Variants in TNNT1 observed in about 807,000 individuals in gnomAD.
The protein encoded by TNNT1 is troponin T1, slow skeletal type, also known as troponin T, slow skeletal muscle.
Under a neutral mutation model 50.6 loss-of-function variants are expected in TNNT1, and 53 were observed. The ratio of observed to expected loss-of-function variants is 1.05; its 90% CI spans 0.84 to 1.32. The LOEUF is 1.32. TNNT1 is among the 40% of genes most tolerant of loss of function. The pLI is 0.00. For synonymous variants in TNNT1, 142 were observed against 138.0 expected, an observed-to-expected ratio of 1.03 and a Z score of -0.20; for missense variants, 348 against 381.7, an observed-to-expected ratio of 0.91 and a Z score of 0.74.
At chr19:55,148,289 C>T (rs1430280036) in intron 1 of TNNT1, among the ~76,000 whole-genome samples, 1 of 152,022 alleles carries the variant, frequency 6.6e-6, no homozygotes, top group East Asian at 1.9e-4. Context: ...CTCGCCCCAC[C>T]CCACTGGCTG....
chr19:55,142,035 T>G, intron 6 of TNNT1, 115 bp from the exon 7 acceptor site: 1 of 1,001,844 alleles, frequency 1.0e-6, no homozygotes, highest in Non-Finnish European at 1.6e-6. Flanking sequence ...CTCCTGAACG[T>G]GGAGGGTCCC....
At chr19:55,145,850 C>A (rs530876098) in intron 5 of TNNT1, among the ~76,000 whole-genome samples, 109 of 152,088 alleles carry the variant, frequency 7.2e-4, no homozygotes, top group African/African-American at 2.6e-3. Flanking sequence ...GTGCAAACCC[C>A]CAGACCTTTC....
chr19:55,146,326 T>A (rs1420503442), intron 5 of TNNT1, 108 bp downstream of exon 5: 4 of 509,398 alleles, frequency 7.9e-6, no homozygotes, highest in Admixed American at 1.9e-4. Flanking sequence ...GGGCGGGTTA[T>A]GGGGGCGGAG....
At chr19:55,138,457 T>C (rs1323258266) in intron 9 of TNNT1, among the ~76,000 whole-genome samples, 1 of 152,166 alleles carries the variant, frequency 6.6e-6, no homozygotes, top group Non-Finnish European at 1.5e-5. Context: ...TTTGTATTTT[T>C]AGTGGAGACG....
chr19:55,148,992 T>A (rs1202456443), intron 1 of TNNT1, among the ~76,000 whole-genome samples, 169 bp downstream of exon 1: 1 of 152,010 alleles, frequency 6.6e-6, no homozygotes, highest in African/African-American at 2.4e-5. Flanking sequence ...TTCCCCTCTA[T>A]CCTGAGTCCC....
intron 6 of TNNT1, among the ~76,000 whole-genome samples, chr19:55,142,381 A>G (rs1185223969): frequency 6.6e-6 from 1 of 151,968 alleles, no homozygotes; most frequent in African/African-American, 2.4e-5. Context: ...TCGGCCTCCC[A>G]AAGTGCTGGG....
At chr19:55,147,594 T>C (rs908909750) in intron 1 of TNNT1, among the ~76,000 whole-genome samples, 1 of 7,736 alleles carries the variant, frequency 1.3e-4, no homozygotes, top group African/African-American at 5.5e-4. Flanking sequence ...GAGGAGGGGC[T>C]GGGGGGTGTG....
chr19:55,149,073 C>A, intron 1 of TNNT1, 88 bp downstream of exon 1: 1 of 449,778 alleles, frequency 2.2e-6, no homozygotes, highest in South Asian at 1.6e-5. Flanking sequence ...ACCATTTCTC[C>A]ACACCCGACA....
chr19:55,135,979 C>T (rs1252859087), intron 11 of TNNT1, among the ~76,000 whole-genome samples: 8 of 152,148 alleles, frequency 5.3e-5, no homozygotes, highest in Non-Finnish European at 8.8e-5. Flanking sequence ...GTATTTACGC[C>T]CTGGGAATGG....
chr19:55,140,827 TG>T, intron 9 of TNNT1, 55 bp downstream of exon 9: 1 of 1,237,334 alleles, frequency 8.1e-7, no homozygotes, highest in Admixed American at 1.8e-5. Flanking sequence ...AATAACAAAA[TG>T]GGCATCCGGC....
chr19:55,143,877 C>T (rs2085500915), intron 6 of TNNT1, among the ~76,000 whole-genome samples: 1 of 152,102 alleles, frequency 6.6e-6, no homozygotes, highest in African/African-American at 2.4e-5. Flanking sequence ...CCCACCTTCC[C>T]ACACATGACG....
chr19:55,142,551 T>TC (rs1346046180), intron 6 of TNNT1, among the ~76,000 whole-genome samples: 2 of 151,306 alleles, frequency 1.3e-5, no homozygotes, highest in Non-Finnish European at 3.0e-5. Context: ...TAAGAATTTT[T>TC]TTTTTTTTTT....
chr19:55,139,507 T>C (rs1184665812), intron 9 of TNNT1, among the ~76,000 whole-genome samples: 1 of 152,188 alleles, frequency 6.6e-6, no homozygotes, highest in Non-Finnish European at 1.5e-5. Flanking sequence ...TCTGGGCCCA[T>C]GGACCTTCTT....
intron 7 of TNNT1, 123 bp downstream of exon 7, chr19:55,141,734 C>T: frequency 8.8e-7 from 1 of 1,142,472 alleles, no homozygotes; most frequent in Non-Finnish European, 1.3e-6. Flanking sequence ...GTCACCTCAG[C>T]CTCCCAAAGT....
intron 6 of TNNT1, among the ~76,000 whole-genome samples, chr19:55,142,525 TA>T (rs1189910124): frequency 6.6e-6 from 1 of 150,390 alleles, no homozygotes; most frequent in Non-Finnish European, 1.5e-5. Context: ...TGTTGTACTT[TA>T]AAAAATATGC....
chr19:55,146,795 G>A, intron 3 of TNNT1, 88 bp from the exon 4 acceptor site: 1 of 1,204,322 alleles, frequency 8.3e-7, no homozygotes, highest in Non-Finnish European at 1.1e-6. Flanking sequence ...AGTCTCTGCT[G>A]GACGGGGGTC....
Position 55,140,969 on chromosome 19 carries a change from C to G in TNNT1, c.310-9G>C, listed in dbSNP as rs538375627. The G allele has an allele frequency of 7.4e-6, 12 of 1,613,648 alleles. No individual in the cohort carries two copies. Among genetic ancestry groups the G allele is most frequent in the African/African-American group, 6.7e-5 (5 of 74,940 alleles). On this transcript the variant is annotated splice_polypyrimidine_tract_variant and intron_variant, in intron 8 of 13. Coordinates refer to ENST00000588981, the MANE Select transcript of TNNT1 (RefSeq NM_003283.6). ...TCTGACCGGCGCCGCTCCTGGGAAA[C>G]GGAGAAGCATAAGGGGGTGCAGGGA... is the stretch of plus-strand genomic sequence containing the variant.
intron 13 of TNNT1, 63 bp from the exon 14 acceptor site, chr19:55,133,023 G>T: frequency 6.9e-7 from 1 of 1,440,736 alleles, no homozygotes; most frequent in South Asian, 1.2e-5. Context: ...ATGGGCCCCA[G>T]GCCCTCAATT....
intron 13 of TNNT1, 36 bp from the exon 14 acceptor site, chr19:55,132,996 C>G (rs1439573292): frequency 6.4e-7 from 1 of 1,567,106 alleles, no homozygotes; most frequent in Non-Finnish European, 8.7e-7. Context: ...GAAAAAGGGG[C>G]CCCTCCAGTC....
Sources: allele counts gnomAD v4.1 joint callset (sites outside exome capture counted in the v4.1 genomes callset), GRCh38; gene constraint gnomAD v4.1.1; transcripts MANE v1.5; gene names NCBI Gene and HGNC (gene_info 2026-07-23, HGNC 2026-07-21).